TPST2: variants seen among roughly 807,000 people sequenced by gnomAD.
TPST2 encodes the protein protein-tyrosine sulfotransferase 2.
Under a neutral mutation model 27.8 loss-of-function variants are expected in TPST2, and 16 were observed. The ratio of observed to expected loss-of-function variants is 0.58; its 90% CI spans 0.39 to 0.88. The LOEUF (loss-of-function observed/expected upper bound fraction) is 0.88. Ranked by LOEUF, TPST2 falls within the 40% of genes least tolerant of loss-of-function variation. The pLI is 0.00. For missense variants in TPST2, 464 were observed against 543.1 expected, an observed-to-expected ratio of 0.85 and a Z score of 1.45; for synonymous variants, 229 against 231.7, an observed-to-expected ratio of 0.99 and a Z score of 0.10.
chr22:26,580,167 C>A (rs2147240579), intron 1 of TPST2, among the ~76,000 whole-genome samples: 1 of 152,174 alleles, frequency 6.6e-6, no homozygotes, highest in East Asian at 1.9e-4. Context: ...TTGCTTGAGC[C>A]CAGGAGTTCA....
intron 2 of TPST2, among the ~76,000 whole-genome samples, chr22:26,542,786 C>T (rs1925934369): frequency 6.6e-6 from 1 of 152,200 alleles, no homozygotes; most frequent in Admixed American, 6.5e-5. Context: ...GACTGGGGAA[C>T]TGCAAGTGAC....
At position 26,570,045 on chromosome 22, in the gene TPST2, CAGAAAGAA is replaced by C. The variant is rs374357837; in HGVS notation, c.-161+20000_-161+20007del. On this transcript the variant is annotated intron_variant, in intron 1 of 6. Transcript: ENST00000338754. ...AAAGAAAGAAAGAAAGAAAGAAAGA[CAGAAAGAA>C]AGAAAGAAAGAAGGAAAGAAAGAAA... Among the ~76,000 whole-genome samples, 680 of 96,910 alleles carry C rather than the reference CAGAAAGAA, an allele frequency of 7.0e-3. 19 individuals are homozygous for C. Among genetic ancestry groups the C allele is most frequent in the African/African-American group, 0.021 (562 of 26,298 alleles). The allele number at this position is 96,910 out of a possible 152,430, so 63.6% of individuals were successfully genotyped here. A position where few individuals can be genotyped will look rare whatever the true frequency, so the allele number is the denominator to read the frequency against.
intron 5 of TPST2, 38 bp downstream of exon 5, chr22:26,532,657 G>C (rs1569177291): frequency 6.2e-7 from 1 of 1,607,318 alleles, no homozygotes; most frequent in Non-Finnish European, 8.5e-7. Context: ...GTATAGCTGA[G>C]AAAGACAGAA....
intron 1 of TPST2, among the ~76,000 whole-genome samples, chr22:26,564,444 T>C (rs1315965378): frequency 1.3e-5 from 2 of 152,192 alleles, no homozygotes; most frequent in Non-Finnish European, 2.9e-5. Context: ...AGCGCAAGCC[T>C]TGCCCCGTCA....
chr22:26,585,455 G>C (rs1455631266), intron 1 of TPST2, among the ~76,000 whole-genome samples: 5 of 152,158 alleles, frequency 3.3e-5, no homozygotes, highest in East Asian at 3.9e-4. Flanking sequence ...AGTAAAGGGT[G>C]GGGGAGACCT....
In TPST2 at chr22:26,544,644, C is replaced by T; in HGVS notation, c.-129G>A. 1.0e-6 allele frequency: 1 copy of T among 985,968 alleles called. No individual in the cohort carries two copies. Among genetic ancestry groups the T allele is most frequent in the Non-Finnish European group, 1.2e-6 (1 of 830,030 alleles). The allele number at this position is 985,968 out of a possible 1,614,324, so 61.1% of individuals were successfully genotyped here. A position where few individuals can be genotyped will look rare whatever the true frequency, so the allele number is the denominator to read the frequency against. On this transcript the variant is annotated 5_prime_UTR_variant, in exon 2 of 7. Transcript: ENST00000338754. ...TCATCTCTGGGCTCCAGCCCTTGTG[C>T]CTGTGTGCCAAGGCTGTCTGCTGGC...
rs7284682 is a variant in TPST2, at chr22:26,533,374, C to T, written c.1042-629G>A. Reference sequence around the variant, plus strand: ...GGTTGAGGCTGCAGTGAAGTATGATCACATCACTCCACTCTAGCCTGAGTG... The same window carrying T: ...GGTTGAGGCTGCAGTGAAGTATGATTACATCACTCCACTCTAGCCTGAGTG... On this transcript the variant is annotated intron_variant, in intron 4 of 6. Coordinates refer to ENST00000338754, the MANE Select transcript of TPST2 (RefSeq NM_003595.5). Among the ~76,000 whole-genome samples the T allele has an allele frequency of 4.7e-3, 721 of 152,192 alleles. 4 individuals carry two copies. Among genetic ancestry groups the T allele is most frequent in the African/African-American group, 0.017 (698 of 41,534 alleles).
intron 1 of TPST2, among the ~76,000 whole-genome samples, chr22:26,588,634 A>G (rs1277994324): frequency 6.6e-6 from 1 of 152,192 alleles, no homozygotes; most frequent in Non-Finnish European, 1.5e-5. Context: ...ACAACAGTAC[A>G]ATTGGGGTTC....
intron 1 of TPST2, among the ~76,000 whole-genome samples, chr22:26,563,331 CTTT>C (rs369020254): frequency 1.3e-4 from 17 of 133,654 alleles, no homozygotes; most frequent in South Asian, 2.4e-4. Flanking sequence ...CCCTCTTCTT[CTTT>C]TTTTTTTTTT....
intron 1 of TPST2, chr22:26,561,013 G>C (rs1330513418): frequency 6.2e-7 from 1 of 1,605,324 alleles, no homozygotes; most frequent in Non-Finnish European, 8.5e-7. Flanking sequence ...GCTGCATATC[G>C]AGCTAAAGGA....
rs1164807389 is a variant in TPST2, at chr22:26,541,869, G to T, written c.-88-151C>A. Among the ~76,000 whole-genome samples, 1 of 152,216 alleles carries T rather than the reference G, an allele frequency of 6.6e-6. No homozygotes were observed. The highest frequency in any genetic ancestry group is 1.5e-5 in the Non-Finnish European group (1 of 68,042). On this transcript the variant is annotated intron_variant, in intron 2 of 6. Transcript: ENST00000338754. This position sits in a 1 kb window ranked among gnomAD's most constrained non-coding sequence, Gnocchi z 5.9. ...GCACTAGCTGTGTGCCTGGCACCCT[G>T]CTGGGCACTTTTTTCAATTTTTTTT...
At chr22:26,555,370 A>T (rs1335310041) in intron 1 of TPST2, 1 of 424,822 alleles carries the variant, frequency 2.4e-6, no homozygotes, top group Non-Finnish European at 4.7e-6. Context: ...TGCAGGGGTC[A>T]GGAGTGTAGA....
At chr22:26,551,562 T>A (rs182136733) in intron 1 of TPST2, among the ~76,000 whole-genome samples, 35 of 151,158 alleles carry the variant, frequency 2.3e-4, no homozygotes, top group African/African-American at 7.3e-4. Context: ...TTGCTTTGCA[T>A]TTTTTTTTAC....
intron 6 of TPST2, among the ~76,000 whole-genome samples, chr22:26,527,033 C>T (rs1322842120): frequency 6.6e-6 from 1 of 152,138 alleles, no homozygotes; most frequent in Non-Finnish European, 1.5e-5. Context: ...GAGCTGAGAT[C>T]GTGCCACTGC....
chr22:26,536,512 G>A (rs754404959), intron 3 of TPST2, 26 bp from the exon 4 acceptor site: 1 of 1,482,782 alleles, frequency 6.7e-7, no homozygotes, highest in Non-Finnish European at 9.0e-7. Flanking sequence ...ACGCTGGAGA[G>A]GGTAGGGCAG....
At chr22:26,534,426 A>T (rs913435366) in intron 4 of TPST2, among the ~76,000 whole-genome samples, 3 of 152,228 alleles carry the variant, frequency 2.0e-5, no homozygotes, top group African/African-American at 7.2e-5. Context: ...AAAATGAGAG[A>T]CAGCTTCCAT....
intron 3 of TPST2, among the ~76,000 whole-genome samples, chr22:26,538,561 C>T (rs1925613894): frequency 6.6e-6 from 1 of 152,254 alleles, no homozygotes; most frequent in African/African-American, 2.4e-5. Flanking sequence ...GTGGCTCATG[C>T]CTGTAATCCC....
chr22:26,570,667 T>C (rs560666872), intron 1 of TPST2, among the ~76,000 whole-genome samples: 1 of 151,732 alleles, frequency 6.6e-6, no homozygotes, highest in East Asian at 1.9e-4. Context: ...TTGGACACAG[T>C]TGCCCACTCT....
At position 26,588,534 on chromosome 22, in the gene TPST2, C is replaced by T. The variant is rs76690691; in HGVS notation, c.-161+1519G>A. On this transcript the variant is annotated intron_variant, in intron 1 of 6. Coordinates refer to ENST00000338754, the MANE Select transcript of TPST2 (RefSeq NM_003595.5). ...TACTTTAAAAGGGTGAATTGTACGG[C>T]ATGTGAACTGTATCTCAACAAAGCT... 2.3e-3 allele frequency among the ~76,000 whole-genome samples: 356 copies of T among 152,226 alleles called. 2 individuals are homozygous for T. Among genetic ancestry groups the T allele is most frequent in the African/African-American group, 7.8e-3 (323 of 41,512 alleles).
Sources: allele counts gnomAD v4.1 joint callset (sites outside exome capture counted in the v4.1 genomes callset), GRCh38; gene constraint gnomAD v4.1.1; non-coding constraint Gnocchi (gnomAD v3.1); transcripts MANE v1.5; gene names NCBI Gene and HGNC (gene_info 2026-07-23, HGNC 2026-07-21).